The following HPSE2 variants were observed in gnomAD, a reference collection of about 807,000 sequenced individuals.
HPSE2 encodes inactive heparanase-2.
A neutral mutation model predicts 60.5 loss-of-function variants in HPSE2; 38 were observed. The ratio of observed to expected loss-of-function variants is 0.63; its 90% CI spans 0.48 to 0.82. The LOEUF (loss-of-function observed/expected upper bound fraction) is 0.82, where lower values mean the gene tolerates loss of function less well. Ranked by LOEUF, HPSE2 falls within the 40% of genes least tolerant of loss-of-function variation. The pLI is 0.00. For missense variants in HPSE2, 713 were observed against 740.4 expected (o/e 0.96, Z 0.43); for synonymous variants, 295 against 293.2 (o/e 1.01, Z -0.06).
chr10:98,530,534 T>C (rs996736144), intron 9 of HPSE2, among the ~76,000 whole-genome samples: 8 of 152,308 alleles, frequency 5.3e-5, no homozygotes, highest in Non-Finnish European at 8.8e-5. Context: ...TTGAGGCAAG[T>C]GTCATGAGGT....
intron 3 of HPSE2, among the ~76,000 whole-genome samples, chr10:98,903,962 C>A (rs1468417030): frequency 6.6e-6 from 1 of 152,064 alleles, no homozygotes; most frequent in African/African-American, 2.4e-5. Flanking sequence ...AATCTTAAGT[C>A]AGTCATTTAA....
At chr10:98,743,795 A>C in intron 4 of HPSE2, 88 bp downstream of exon 4, 234 of 1,191,018 alleles carry the variant, frequency 2.0e-4, no homozygotes, top group Non-Finnish European at 2.7e-4. Flanking sequence ...CCAGGGTACT[A>C]GAGATGGTCT....
chr10:98,563,738 T>C (rs144630296), intron 9 of HPSE2, among the ~76,000 whole-genome samples: 36 of 152,298 alleles, frequency 2.4e-4, no homozygotes, highest in African/African-American at 8.7e-4. Flanking sequence ...TATATCCACA[T>C]GCACATGTGT....
intron 2 of HPSE2, among the ~76,000 whole-genome samples, chr10:99,224,658 T>G (rs904147218): frequency 1.3e-5 from 2 of 152,108 alleles, no homozygotes; most frequent in African/African-American, 4.8e-5. Context: ...AAACTGCTTT[T>G]CTTCCATGAG....
At chr10:99,072,893 C>T (rs1214759410) in intron 3 of HPSE2, among the ~76,000 whole-genome samples, 2 of 139,108 alleles carry the variant, frequency 1.4e-5, no homozygotes, top group Non-Finnish European at 3.0e-5. Context: ...TGCGCCACTG[C>T]ACTCCAGCCT....
intron 9 of HPSE2, among the ~76,000 whole-genome samples, chr10:98,607,613 T>C (rs1945630414): frequency 6.6e-6 from 1 of 152,228 alleles, no homozygotes; most frequent in Admixed American, 6.5e-5. Flanking sequence ...CTTTAACCTT[T>C]GCAGTCAATT....
At chr10:98,782,923 T>A (rs1428283997) in intron 3 of HPSE2, among the ~76,000 whole-genome samples, 5 of 40,860 alleles carry the variant, frequency 1.2e-4, no homozygotes, top group South Asian at 7.9e-4. Context: ...TTTTTTTTTT[T>A]TTATTTTTTT....
intron 3 of HPSE2, among the ~76,000 whole-genome samples, chr10:99,096,983 C>T (rs148547637): frequency 2.0e-5 from 3 of 152,252 alleles, no homozygotes; most frequent in Non-Finnish European, 4.4e-5. Flanking sequence ...TAGGTCCTGA[C>T]AAAACTGCAT....
At chr10:98,538,598 A>T (rs909357076) in intron 9 of HPSE2, among the ~76,000 whole-genome samples, 10 of 152,122 alleles carry the variant, frequency 6.6e-5, no homozygotes, top group Admixed American at 2.0e-4. Context: ...GCTTTAAAAA[A>T]TACTGATAAA....
At chr10:98,842,729 T>C (rs1203259999) in intron 3 of HPSE2, among the ~76,000 whole-genome samples, 1 of 152,128 alleles carries the variant, frequency 6.6e-6, no homozygotes, top group Non-Finnish European at 1.5e-5. Context: ...ATGGTTTACC[T>C]TAGGGTTCAC....
At chr10:98,598,311 C>G (rs935611807) in intron 9 of HPSE2, among the ~76,000 whole-genome samples, 2 of 150,948 alleles carry the variant, frequency 1.3e-5, no homozygotes, top group African/African-American at 4.9e-5. Context: ...GGCAGGCTGA[C>G]CTGGTGCCTG....
At chr10:98,972,789 T>G (rs1188000349) in intron 3 of HPSE2, among the ~76,000 whole-genome samples, 2 of 152,210 alleles carry the variant, frequency 1.3e-5, no homozygotes, top group African/African-American at 4.8e-5. Context: ...TTCCATTTTC[T>G]GTAGTCCTGC....
At chr10:99,246,471 G>A in the HPSE2 span, among the ~76,000 whole-genome samples, 50,429 of 152,224 alleles carry the variant, frequency 0.33, 11,320 homozygotes, top group African/African-American at 0.65. Context: ...TTGTGGCCGT[G>A]CGTGATGGCT....
chr10:99,107,732 A>T (rs1482431691), intron 3 of HPSE2, among the ~76,000 whole-genome samples: 2 of 152,204 alleles, frequency 1.3e-5, no homozygotes, highest in Admixed American at 1.3e-4. Flanking sequence ...TCAAAATACC[A>T]ATAGCACATT....
the HPSE2 span, among the ~76,000 whole-genome samples, chr10:99,302,797 C>T: frequency 6.6e-6 from 1 of 151,522 alleles, no homozygotes; most frequent in South Asian, 2.1e-4. Flanking sequence ...GAACTTTGTG[C>T]CTGTAATGGC....
At chr10:98,576,916 C>A (rs1333408158) in intron 9 of HPSE2, among the ~76,000 whole-genome samples, 1 of 151,956 alleles carries the variant, frequency 6.6e-6, no homozygotes, top group Non-Finnish European at 1.5e-5. Flanking sequence ...TGCCAAAAAG[C>A]TTATCATGGT....
intron 11 of HPSE2, among the ~76,000 whole-genome samples, chr10:98,476,197 A>G (rs1386922186): frequency 6.6e-6 from 1 of 150,590 alleles, no homozygotes; most frequent in Non-Finnish European, 1.5e-5. Context: ...ATTGGAAATC[A>G]TCATTCTCAG....
At chr10:99,219,511 C>CAAA (rs1849240721) in intron 2 of HPSE2, among the ~76,000 whole-genome samples, 1 of 152,164 alleles carries the variant, frequency 6.6e-6, no homozygotes, top group Non-Finnish European at 1.5e-5. Flanking sequence ...CAACCACCCC[C>CAAA]AAAACACAAG....
intron 2 of HPSE2, among the ~76,000 whole-genome samples, chr10:99,153,022 C>T (rs1846344219): frequency 6.6e-6 from 1 of 152,218 alleles, no homozygotes; most frequent in Non-Finnish European, 1.5e-5. Flanking sequence ...TCAATCCCAT[C>T]CAAATATTGC....
Sources: allele counts gnomAD v4.1 joint callset (sites outside exome capture counted in the v4.1 genomes callset), GRCh38; gene constraint gnomAD v4.1.1; transcripts MANE v1.5; gene names NCBI Gene and HGNC (gene_info 2026-07-23, HGNC 2026-07-21).